LUC7L2: variants seen among roughly 807,000 people sequenced by gnomAD.
The protein encoded by LUC7L2 is LUC7 like 2, pre-mRNA splicing factor.
In LUC7L2, 25 loss-of-function variants were observed where a neutral mutation model predicts 52.8. The observed-to-expected ratio is 0.47, with a 90% CI of 0.34 to 0.66. LUC7L2 has a LOEUF of 0.66. Among genes scored for constraint, LUC7L2 ranks in the 30% least tolerant of loss-of-function variants. LUC7L2 has a pLI of 0.01. For synonymous variants in LUC7L2, 144 were observed against 160.9 expected (o/e 0.89, Z 0.80); for missense variants, 328 against 497.8 (o/e 0.66, Z 3.25).
At chr7:139,363,962 A>G (rs548533930) in intron 1 of LUC7L2, among the ~76,000 whole-genome samples, 3 of 135,772 alleles carry the variant, frequency 2.2e-5, no homozygotes, top group African/African-American at 8.4e-5. Context: ...GAGGGTGTGG[A>G]TTTAGATTAC....
At chr7:139,353,573 G>A (rs373980030) in intron 1 of LUC7L2, among the ~76,000 whole-genome samples, 18 of 152,022 alleles carry the variant, frequency 1.2e-4, no homozygotes, top group African/African-American at 3.6e-4. Context: ...AGGCCAAGGC[G>A]GGTGGATCAC....
At chr7:139,375,453 C>T (rs994960805) in intron 1 of LUC7L2, 3 of 985,252 alleles carry the variant, frequency 3.0e-6, no homozygotes, top group Non-Finnish European at 3.6e-6. Context: ...AGTCCTTCTT[C>T]CAGGTTTGTA....
chr7:139,394,346 T>G (rs1328345608), intron 2 of LUC7L2, among the ~76,000 whole-genome samples: 3 of 152,204 alleles, frequency 2.0e-5, no homozygotes, highest in African/African-American at 7.2e-5. Context: ...ATCTTACCCC[T>G]CTCATGCATC....
chr7:139,350,056 C>G (rs929870353), intron 1 of LUC7L2, among the ~76,000 whole-genome samples: 1 of 152,134 alleles, frequency 6.6e-6, no homozygotes, highest in Admixed American at 6.5e-5. Context: ...TATCTAAATG[C>G]AGCTATACAG....
In LUC7L2 at chr7:139,422,274, T is replaced by C; in HGVS notation, c.1113T>C (p.Tyr371=). The part of the protein sequence containing the change: ...DRDRKDKKRS[Y]ESANGRSEDR... Reference sequence around the variant, plus strand: ...ATCGGAAAGATAAGAAGCGGTCCTATGAGAGTGCTAATGGCAGATCAGAAG... The same window carrying C: ...ATCGGAAAGATAAGAAGCGGTCCTACGAGAGTGCTAATGGCAGATCAGAAG... The change falls in exon 10 of 10, where the codon TAT becomes TAC. Residue 371 remains tyrosine (Y), a synonymous_variant. Coordinates refer to ENST00000354926, the MANE Select transcript of LUC7L2 (RefSeq NM_016019.5). 6.2e-7 allele frequency: 1 copy of C among 1,614,162 alleles called. No individual in the cohort carries two copies. Among genetic ancestry groups the C allele is most frequent in the South Asian group, 1.1e-5 (1 of 91,082 alleles).
intron 2 of LUC7L2, among the ~76,000 whole-genome samples, chr7:139,388,971 T>C (rs1794316182): frequency 6.6e-6 from 1 of 152,060 alleles, no homozygotes. Context: ...AATATTGATC[T>C]GTCTGAGTCT....
intron 1 of LUC7L2, among the ~76,000 whole-genome samples, chr7:139,351,234 A>G (rs1799449590): frequency 6.6e-6 from 1 of 152,188 alleles, no homozygotes; most frequent in Admixed American, 6.5e-5. Flanking sequence ...TAACTCAGTT[A>G]TCTCAAATTC....
At chr7:139,407,517 G>T (rs1272740070) in intron 6 of LUC7L2, among the ~76,000 whole-genome samples, 167 bp downstream of exon 6, 1 of 152,108 alleles carries the variant, frequency 6.6e-6, no homozygotes, top group Admixed American at 6.5e-5. Flanking sequence ...AATGGATGCT[G>T]CCTGAGAAAC....
intron 2 of LUC7L2, among the ~76,000 whole-genome samples, chr7:139,387,514 G>A (rs118175833): frequency 0.014 from 2,068 of 152,076 alleles, 25 homozygotes; most frequent in South Asian, 0.043. Context: ...TTTTTTATAC[G>A]AGAGCTCTTG....
At chr7:139,401,515 C>T (rs532042003) in intron 3 of LUC7L2, among the ~76,000 whole-genome samples, 4 of 152,176 alleles carry the variant, frequency 2.6e-5, no homozygotes, top group South Asian at 2.1e-4. Context: ...TGCAGTGGTG[C>T]GATCTTGGCT....
At chr7:139,398,759 A>G (rs1462831959) in intron 3 of LUC7L2, 62 bp downstream of exon 3, 2 of 1,498,154 alleles carry the variant, frequency 1.3e-6, no homozygotes, top group East Asian at 2.3e-5. Flanking sequence ...GTGAATGTGG[A>G]TTAAGATCTC....
At chr7:139,373,995 A>T (rs955773367) in intron 1 of LUC7L2, among the ~76,000 whole-genome samples, 2 of 152,170 alleles carry the variant, frequency 1.3e-5, no homozygotes, top group African/African-American at 2.4e-5. Flanking sequence ...TTAAAATGAA[A>T]TTTTTTTCTT....
chr7:139,341,812 C>G (rs766790260), intron 1 of LUC7L2, among the ~76,000 whole-genome samples: 1 of 152,036 alleles, frequency 6.6e-6, no homozygotes, highest in Non-Finnish European at 1.5e-5. Flanking sequence ...GTTGCCTCTG[C>G]GGAGGGCAGT....
At chr7:139,405,599 T>A in intron 4 of LUC7L2, 45 bp from the exon 5 acceptor site, 2 of 1,536,094 alleles carry the variant, frequency 1.3e-6, no homozygotes, top group Non-Finnish European at 1.7e-6. Flanking sequence ...AATTTAAAAT[T>A]CATTCTCTTG....
chr7:139,394,923 A>G lies in LUC7L2; in HGVS notation c.157-3676A>G, dbSNP rs149969986. Among the ~76,000 whole-genome samples, 3 of 152,332 alleles carry G rather than the reference A, an allele frequency of 2.0e-5. No individual in the cohort carries two copies. In the East Asian group the frequency reaches 5.8e-4, roughly 29 times the overall value. On this transcript the variant is annotated intron_variant, in intron 2 of 9. Transcript: ENST00000354926. ...CAGTGAGTGGTTCTCAACATTGCAC[A>G]TTAAAAATACCTGGGGGGCTTTTAC... is the stretch of plus-strand genomic sequence containing the variant.
chr7:139,402,096 T>C (rs746472097), intron 3 of LUC7L2, 41 bp from the exon 4 acceptor site: 3 of 1,536,146 alleles, frequency 2.0e-6, no homozygotes, highest in Non-Finnish European at 2.6e-6. Context: ...CTGAATAAAA[T>C]TGACTTTCTG....
chr7:139,362,621 CCTTTT>C (rs1446486938), intron 1 of LUC7L2, among the ~76,000 whole-genome samples: 2 of 129,018 alleles, frequency 1.6e-5, no homozygotes, highest in East Asian at 4.2e-4. Context: ...GCAACTCTGT[CCTTTT>C]TTTTTTTTTT....
At chr7:139,359,357 C>T (rs570606319), upstream of LUC7L2, 1 of 156,638 alleles carries the variant, frequency 6.4e-6, no homozygotes, top group African/African-American at 2.4e-5. Context: ...GAAGTTGACA[C>T]TTCCCAGCCG....
upstream of LUC7L2, chr7:139,359,790 C>A (rs959272113): frequency 7.5e-6 from 3 of 400,500 alleles, no homozygotes. Context: ...GCGCCCAGAG[C>A]CGTTAGGGTG....
Sources: allele counts gnomAD v4.1 joint callset (sites outside exome capture counted in the v4.1 genomes callset), GRCh38; gene constraint gnomAD v4.1.1; transcripts MANE v1.5; gene names NCBI Gene and HGNC (gene_info 2026-07-23, HGNC 2026-07-21).